The following BRINP3 variants were observed in gnomAD, a reference collection of about 807,000 sequenced individuals.
BRINP3 encodes BMP/retinoic acid-inducible neural-specific protein 3.
A neutral mutation model predicts 71.0 loss-of-function variants in BRINP3; 19 were observed. The ratio of observed to expected loss-of-function variants is 0.27; its 90% CI spans 0.19 to 0.39. The LOEUF (loss-of-function observed/expected upper bound fraction) is 0.39. Ranked by LOEUF, BRINP3 falls within the 10% of genes least tolerant of loss-of-function variation. The pLI, the probability that BRINP3 is intolerant of heterozygous loss-of-function variation, is 1.00. For missense variants in BRINP3, 959 were observed against 940.8 expected (o/e 1.02, Z -0.25); for synonymous variants, 380 against 337.7 (o/e 1.13, Z -1.37).
At chr1:190,376,230 G>A (rs1274577800) in intron 2 of BRINP3, among the ~76,000 whole-genome samples, 1 of 151,828 alleles carries the variant, frequency 6.6e-6, no homozygotes, top group Admixed American at 6.6e-5. Flanking sequence ...ATTACCTTTG[G>A]GTGTTCTGAG....
intron 4 of BRINP3, among the ~76,000 whole-genome samples, chr1:190,262,042 C>T (rs1661227485): frequency 6.6e-6 from 1 of 152,174 alleles, no homozygotes; most frequent in Admixed American, 6.5e-5. Context: ...CACCTTTTAC[C>T]TGTGCAGGGA....
chr1:190,388,567 C>A (rs1452550388), intron 2 of BRINP3, among the ~76,000 whole-genome samples: 1 of 151,690 alleles, frequency 6.6e-6, no homozygotes, highest in Non-Finnish European at 1.5e-5. Flanking sequence ...TTTTGGCAAC[C>A]TTCTAAAGCT....
At position 190,264,992 on chromosome 1, in the gene BRINP3, T is replaced by C. The variant is rs1388982325; in HGVS notation, c.491A>G (p.Asp164Gly). 6.2e-6 allele frequency: 10 copies of C among 1,611,874 alleles called. No homozygotes were observed. The highest frequency in any genetic ancestry group is 7.6e-6 in the Non-Finnish European group (9 of 1,179,088). Reference protein sequence around the residue: ...RKLSKRAEGSDSTTNSSSVTL... With the variant: ...RKLSKRAEGSGSTTNSSSVTL... Reference sequence around the variant, plus strand: ...GACCGAAGAGCTATTGGTGGTGGAATCACTTCCTTCAGCTCGTTTGCTCAA... The same window carrying C: ...GACCGAAGAGCTATTGGTGGTGGAACCACTTCCTTCAGCTCGTTTGCTCAA... The change falls in exon 4 of 8, where the codon GAT becomes GGT. Residue 164 changes from aspartate (D) to glycine (G), a missense_variant. Transcript: ENST00000367462.
intron 2 of BRINP3, among the ~76,000 whole-genome samples, chr1:190,347,052 C>T (rs965460805): frequency 6.6e-6 from 1 of 152,090 alleles, no homozygotes; most frequent in Non-Finnish European, 1.5e-5. Context: ...CTCACACACA[C>T]ACAAAGTCAA....
chr1:190,103,865 A>T (rs1651911684), intron 7 of BRINP3, among the ~76,000 whole-genome samples: 1 of 151,896 alleles, frequency 6.6e-6, no homozygotes, highest in South Asian at 2.1e-4. Context: ...TGGTCCAGTA[A>T]TATTAACTGT....
At chr1:190,117,923 C>T (rs926257157) in intron 7 of BRINP3, among the ~76,000 whole-genome samples, 6 of 151,996 alleles carry the variant, frequency 3.9e-5, no homozygotes, top group African/African-American at 1.4e-4. Flanking sequence ...AAATAGCTCA[C>T]ATTTTGGATT....
At chr1:190,398,570 C>CAAATCA in intron 2 of BRINP3, among the ~76,000 whole-genome samples, 1 of 151,850 alleles carries the variant, frequency 6.6e-6, no homozygotes, top group African/African-American at 2.4e-5. Context: ...CTTATGATTG[C>CAAATCA]TAGCAAATAG....
At position 190,350,440 on chromosome 1, in the gene BRINP3, G is replaced by A. The variant is rs143065069; in HGVS notation, c.237-68690C>T. 7.9e-3 allele frequency among the ~76,000 whole-genome samples: 1,203 copies of A among 152,156 alleles called. 16 individuals carry two copies. Among genetic ancestry groups the A allele is most frequent in the Non-Finnish European group, 8.5e-3 (575 of 68,010 alleles). On this transcript the variant is annotated intron_variant, in intron 2 of 7. Transcript: ENST00000367462. ...GCTTGGAATAATATTATTCCAGCCA[G>A]AGCTCCAGTTACACAATAGAAAATA...
intron 6 of BRINP3, among the ~76,000 whole-genome samples, chr1:190,204,930 TAGA>T (rs1436668207): frequency 1.3e-5 from 2 of 150,730 alleles, no homozygotes; most frequent in Non-Finnish European, 3.0e-5. Context: ...TGCTTCCAAA[TAGA>T]AGAAGAATAA....
intron 7 of BRINP3, among the ~76,000 whole-genome samples, chr1:190,116,026 A>T (rs1653106318): frequency 6.6e-6 from 1 of 152,108 alleles, no homozygotes; most frequent in Non-Finnish European, 1.5e-5. Flanking sequence ...TTTATTCCAT[A>T]TCACTTACGA....
chr1:190,385,277 A>G (rs914870178), intron 2 of BRINP3, among the ~76,000 whole-genome samples: 2 of 152,134 alleles, frequency 1.3e-5, no homozygotes, highest in African/African-American at 4.8e-5. Flanking sequence ...AGAAACTACC[A>G]TCAGAGTGAA....
At chr1:190,235,391 G>T (rs1376554794) in intron 4 of BRINP3, among the ~76,000 whole-genome samples, 1 of 152,032 alleles carries the variant, frequency 6.6e-6, no homozygotes, top group Non-Finnish European at 1.5e-5. Flanking sequence ...AAGCAGAGCA[G>T]TATTGTCAGA....
intron 7 of BRINP3, among the ~76,000 whole-genome samples, chr1:190,128,337 C>T (rs1011542110): frequency 2.0e-5 from 3 of 151,720 alleles, no homozygotes; most frequent in Non-Finnish European, 4.4e-5. Context: ...AATTACATAA[C>T]TTCATCAATT....
rs534095939 is a variant in BRINP3 at position 190,318,644 on chromosome 1, T to C, written c.237-36894A>G. Among the ~76,000 whole-genome samples, 25 of 152,112 alleles carry C rather than the reference T, an allele frequency of 1.6e-4. No homozygotes were observed. The South Asian group carries it at 5.0e-3, about 30-fold the overall frequency. On this transcript the variant is annotated intron_variant, in intron 2 of 7. Coordinates refer to ENST00000367462, the MANE Select transcript of BRINP3 (RefSeq NM_199051.3). ...CTCTTGTTTAAAAAGTAAAGACAAA[T>C]AGTAGCTCAGAATTAAATTTCACAG...
chr1:190,300,022 T>C (rs535973239), intron 2 of BRINP3, among the ~76,000 whole-genome samples: 16 of 152,210 alleles, frequency 1.1e-4, no homozygotes, highest in African/African-American at 3.1e-4. Context: ...CTGACAATTA[T>C]GTGTCTTGTT....
At chr1:190,110,712 A>T (rs529694287) in intron 7 of BRINP3, among the ~76,000 whole-genome samples, 6 of 152,058 alleles carry the variant, frequency 3.9e-5, no homozygotes, top group Non-Finnish European at 7.4e-5. Flanking sequence ...CGGGCAACTC[A>T]CCTCAGCTGA....
chr1:190,373,639 A>G (rs1670008249), intron 2 of BRINP3, among the ~76,000 whole-genome samples: 1 of 151,724 alleles, frequency 6.6e-6, no homozygotes, highest in African/African-American at 2.4e-5. Context: ...CAGTCATTCA[A>G]AGAACATCCA....
At chr1:190,448,689 G>A (rs1571340327) in intron 2 of BRINP3, among the ~76,000 whole-genome samples, 1 of 151,616 alleles carries the variant, frequency 6.6e-6, no homozygotes, top group African/African-American at 2.4e-5. Context: ...GCTAAAAGTA[G>A]CACATTCAAA....
intron 2 of BRINP3, among the ~76,000 whole-genome samples, chr1:190,313,601 A>G (rs966360175): frequency 3.9e-5 from 6 of 152,012 alleles, no homozygotes; most frequent in African/African-American, 1.4e-4. Context: ...TTACAACATC[A>G]TCAACAATAA....
Sources: allele counts gnomAD v4.1 joint callset (sites outside exome capture counted in the v4.1 genomes callset), GRCh38; gene constraint gnomAD v4.1.1; transcripts MANE v1.5; gene names NCBI Gene and HGNC (gene_info 2026-07-23, HGNC 2026-07-21).